Variants in TRMT10B observed in about 807,000 individuals in gnomAD.
TRMT10B encodes tRNA methyltransferase 10B.
Under a neutral mutation model 43.8 loss-of-function variants are expected in TRMT10B, and 33 were observed. The ratio of observed to expected loss-of-function variants is 0.75; its 90% confidence interval spans 0.57 to 1.01. TRMT10B has a LOEUF of 1.01. Among genes scored for constraint, TRMT10B ranks in the 50% least tolerant of loss-of-function variants. The probability of loss-of-function intolerance (pLI) is 0.00; values close to 1 mark genes in which losing one functional copy is unlikely to be tolerated. For missense variants in TRMT10B, 362 were observed against 369.8 expected, an observed-to-expected ratio of 0.98 and a Z score of 0.17; for synonymous variants, 137 against 130.6, an observed-to-expected ratio of 1.05 and a Z score of -0.34.
intron 4 of TRMT10B, among the ~76,000 whole-genome samples, chr9:37,764,405 T>G (rs9722458): frequency 0.023 from 3,278 of 144,396 alleles, 120 homozygotes; most frequent in African/African-American, 0.08. Context: ...CACTGCAAGC[T>G]CCACCTCCTG....
intron 4 of TRMT10B, 119 bp from the exon 5 acceptor site, chr9:37,767,957 T>C: frequency 9.5e-7 from 1 of 1,057,040 alleles, no homozygotes; most frequent in East Asian, 2.4e-5. Flanking sequence ...ACACATGTAC[T>C]CCTAGTACAT....
intron 1 of TRMT10B, among the ~76,000 whole-genome samples, chr9:37,758,900 T>C (rs1207491684): frequency 6.6e-6 from 1 of 152,148 alleles, no homozygotes; most frequent in East Asian, 1.9e-4. Flanking sequence ...AGTACGTCTG[T>C]GTCACTGGGT....
At chr9:37,777,483 A>ATAAG (rs1828300037) in intron 8 of TRMT10B, 118 bp from the exon 9 acceptor site, 1 of 800,134 alleles carries the variant, frequency 1.2e-6, no homozygotes, top group Admixed American at 2.2e-5. Flanking sequence ...GCAAGACCTT[A>ATAAG]GTACCACATA....
chr9:37,754,070 A>C (rs1472643864), intron 1 of TRMT10B, among the ~76,000 whole-genome samples: 1 of 152,224 alleles, frequency 6.6e-6, no homozygotes, highest in Non-Finnish European at 1.5e-5. Context: ...TCTCAGGCTG[A>C]ATTCGATGTG....
intron 1 of TRMT10B, among the ~76,000 whole-genome samples, chr9:37,759,778 C>T (rs1171932675): frequency 6.6e-6 from 1 of 152,196 alleles, no homozygotes; most frequent in African/African-American, 2.4e-5. Context: ...GATTATGCCA[C>T]TGCATTCCAG....
intron 4 of TRMT10B, among the ~76,000 whole-genome samples, chr9:37,766,438 A>G (rs1233997575): frequency 2.0e-5 from 3 of 152,106 alleles, no homozygotes; most frequent in East Asian, 1.9e-4. Flanking sequence ...CCATTGGTCT[A>G]TATCTGTTTT....
chr9:37,766,260 G>GT (rs1826975785), intron 4 of TRMT10B, among the ~76,000 whole-genome samples: 1 of 152,184 alleles, frequency 6.6e-6, no homozygotes, highest in African/African-American at 2.4e-5. Context: ...TTTGTATAAG[G>GT]TGTAAGGAAG....
In TRMT10B at chr9:37,777,677, A is replaced by C. The variant is rs1828332563; in HGVS notation, c.921A>C (p.Lys307Asn). The C allele has an allele frequency of 6.2e-7, 1 of 1,613,954 alleles. No homozygotes were observed. Among genetic ancestry groups the C allele is most frequent in the African/African-American group, 1.3e-5 (1 of 74,970 alleles). ...TGAAGAAAGGAGTTTCTTCAGGAAA[A>C]GGCTATATTCTTCGGAACTCAGTGG... Reference protein sequence around the residue: ...EALKKGVSSGKGYILRNSVE With the variant: ...EALKKGVSSGNGYILRNSVE The change falls in exon 9 of 9, where the codon AAA becomes AAC. Residue 307 changes from lysine to asparagine, a missense_variant. Lys to Asn is a moderately conservative substitution (Grantham distance 94). Transcript: ENST00000297994.
Position 37,777,455 on chromosome 9 carries a change from G to A in TRMT10B, c.845-146G>A, listed in dbSNP as rs369136939. On this transcript the variant is annotated intron_variant, in intron 8 of 8. Transcript: ENST00000297994. ...AGGTCCTTGAGAGCAAGCAGAGCCT[G>A]TGTCCTTGCCTCTCCCCGCAAGACC... 1.1e-4 allele frequency: 69 copies of A among 612,870 alleles called. No individual in the cohort carries two copies. In the East Asian group the frequency reaches 1.9e-3, roughly 17 times the overall value. The allele number at this position is 612,870 out of a possible 1,614,324, so 38.0% of individuals were successfully genotyped here. A position where few individuals can be genotyped will look rare whatever the true frequency, so the allele number is the denominator to read the frequency against.
chr9:37,760,091 C>T (rs1333170287), intron 1 of TRMT10B, among the ~76,000 whole-genome samples: 1 of 152,130 alleles, frequency 6.6e-6, no homozygotes, highest in African/African-American at 2.4e-5. Context: ...TTTGGGACGC[C>T]GAGGTGGGCG....
At chr9:37,756,066 T>C (rs1825641420) in intron 1 of TRMT10B, among the ~76,000 whole-genome samples, 1 of 152,178 alleles carries the variant, frequency 6.6e-6, no homozygotes, top group Admixed American at 6.5e-5. Flanking sequence ...TCTAGATCCA[T>C]TGCCTCCCAG....
In TRMT10B at chr9:37,777,793, G is replaced by C; in HGVS notation, c.*86G>C. On this transcript the variant is annotated 3_prime_UTR_variant, in exon 9 of 9. Transcript: ENST00000297994. ...GACCGAAGTGGGCAGATCACCTGAG[G>C]TCAGGAGTTCACGACCAGCCTGGCC... 1 of 1,099,680 alleles carries C rather than the reference G, an allele frequency of 9.1e-7. No homozygotes were observed. Among genetic ancestry groups the C allele is most frequent in the Non-Finnish European group, 1.4e-6 (1 of 728,162 alleles). 68.1% of individuals were successfully genotyped at this position (1,099,680 alleles called of 1,614,324 possible). A position where few individuals can be genotyped will look rare whatever the true frequency, so the allele number is the denominator to read the frequency against.
In TRMT10B at chr9:37,763,538, T is replaced by C. The variant is rs1454467354; in HGVS notation, c.296-91T>C. 15 of 1,118,026 alleles carry C rather than the reference T, an allele frequency of 1.3e-5. No homozygotes were observed. In the East Asian group the frequency reaches 3.6e-4, roughly 27 times the overall value. The allele number at this position is 1,118,026 out of a possible 1,614,324, so 69.3% of individuals were successfully genotyped here. On this transcript the variant is annotated intron_variant, in intron 3 of 8. Transcript: ENST00000297994. The stretch of plus-strand genomic sequence containing the variant: ...TACATCAGTATCAAGTTTCTCTTTA[T>C]ATGCAAAATACCCACCTGGCTAAGA...
At chr9:37,771,166 T>C (rs895242847) in intron 7 of TRMT10B, among the ~76,000 whole-genome samples, 1 of 152,190 alleles carries the variant, frequency 6.6e-6, no homozygotes, top group Non-Finnish European at 1.5e-5. Context: ...TTGTTGGAGT[T>C]TTAGAGGAAT....
At chr9:37,755,182 G>A (rs1825498507) in intron 1 of TRMT10B, among the ~76,000 whole-genome samples, 4 of 151,940 alleles carry the variant, frequency 2.6e-5, no homozygotes, top group Admixed American at 2.6e-4. Context: ...TGAGGCAGGA[G>A]AATGCGTGAA....
chr9:37,777,497 T>C (rs1589052795), intron 8 of TRMT10B, 104 bp from the exon 9 acceptor site: 2 of 937,800 alleles, frequency 2.1e-6, no homozygotes, highest in East Asian at 2.5e-5. Flanking sequence ...CCACATATGG[T>C]GCAGAATAGG....
chr9:37,775,717 T>C (rs905011857), intron 7 of TRMT10B, among the ~76,000 whole-genome samples: 1 of 152,090 alleles, frequency 6.6e-6, no homozygotes, highest in Non-Finnish European at 1.5e-5. Context: ...TTTTGTTATT[T>C]GTAGAGACAG....
chr9:37,771,876 G>GTTTT (rs74171525), intron 7 of TRMT10B, among the ~76,000 whole-genome samples: 3 of 149,012 alleles, frequency 2.0e-5, no homozygotes. Flanking sequence ...GACAGAAAAT[G>GTTTT]TTTTTTTTTT....
rs1828373743 is a variant in TRMT10B, at chr9:37,778,040, G to A, written c.*333G>A. 4.6e-6 allele frequency: 1 copy of A among 215,820 alleles called. No individual in the cohort carries two copies. Among genetic ancestry groups the A allele is most frequent in the Non-Finnish European group, 9.4e-6 (1 of 106,392 alleles). The allele number at this position is 215,820 out of a possible 1,614,324, so 13.4% of individuals were successfully genotyped here. ...TAAATAAAAAAAAATGCAGCTGCAG[G>A]AGTGAGGCGCTTGGAGGTACCTTGA... On this transcript the variant is annotated 3_prime_UTR_variant, in exon 9 of 9. Coordinates refer to ENST00000297994, the MANE Select transcript of TRMT10B (RefSeq NM_144964.4).
Sources: allele counts gnomAD v4.1 joint callset (sites outside exome capture counted in the v4.1 genomes callset), GRCh38; gene constraint gnomAD v4.1.1; transcripts MANE v1.5; gene names NCBI Gene and HGNC (gene_info 2026-07-23, HGNC 2026-07-21).